SKIC3: variants seen among roughly 807,000 people sequenced by gnomAD.
SKIC3 encodes SKI3 subunit of superkiller complex.
At chr5:95,520,731 A>G in the SKIC3 span, 1 of 1,610,090 alleles carries the variant, frequency 6.2e-7, no homozygotes, top group African/African-American at 1.3e-5. Flanking sequence ...AAAATATTCC[A>G]GTGCTTTTTC....
chr5:95,484,284 TATC>T, the SKIC3 span, among the ~76,000 whole-genome samples: 2 of 151,954 alleles, frequency 1.3e-5, no homozygotes, highest in Non-Finnish European at 2.9e-5. Flanking sequence ...TTTTAGTTGT[TATC>T]ATCATAATTG....
chr5:95,518,082 G>A, the SKIC3 span, among the ~76,000 whole-genome samples: 1 of 152,010 alleles, frequency 6.6e-6, no homozygotes. Context: ...AAATTAACCA[G>A]TCCATGGTAT....
the SKIC3 span, among the ~76,000 whole-genome samples, chr5:95,510,578 T>C: frequency 6.6e-6 from 1 of 152,140 alleles, no homozygotes; most frequent in Non-Finnish European, 1.5e-5. Flanking sequence ...GCTCATCTGA[T>C]CTTGTGGCCC....
the SKIC3 span, among the ~76,000 whole-genome samples, chr5:95,537,582 T>C: frequency 6.6e-6 from 1 of 152,066 alleles, no homozygotes; most frequent in African/African-American, 2.4e-5. Context: ...GTGATACTTT[T>C]GGTAAAAGAA....
chr5:95,547,108 C>G, the SKIC3 span: 10 of 1,613,176 alleles, frequency 6.2e-6, no homozygotes, highest in East Asian at 2.2e-4. Flanking sequence ...CTGATTGCAT[C>G]TCTAGCACTT....
At chr5:95,465,671 GTTC>G in the SKIC3 span, among the ~76,000 whole-genome samples, 2 of 152,134 alleles carry the variant, frequency 1.3e-5, no homozygotes, top group Admixed American at 6.6e-5. Flanking sequence ...ATTTGCCTCT[GTTC>G]TTCTTGTCCT....
At chr5:95,464,825 C>A in the SKIC3 span, 2 of 636,900 alleles carry the variant, frequency 3.1e-6, no homozygotes, top group Admixed American at 2.4e-5. Context: ...TCTGTGCAAT[C>A]TTTCAGTCAC....
the SKIC3 span, chr5:95,497,553 C>A: frequency 8.3e-7 from 1 of 1,206,988 alleles, no homozygotes; most frequent in Non-Finnish European, 1.2e-6. Context: ...TACAAGCAAC[C>A]AACAATTTAT....
chr5:95,536,710 G>T, the SKIC3 span: 1 of 914,996 alleles, frequency 1.1e-6, no homozygotes, highest in African/African-American at 1.6e-5. Flanking sequence ...CAGAAACACA[G>T]AAACAACACC....
the SKIC3 span, chr5:95,540,578 T>A: frequency 2.2e-6 from 3 of 1,384,530 alleles, no homozygotes; most frequent in Non-Finnish European, 3.0e-6. Context: ...ATGTTCAACA[T>A]TACTATGGAA....
At chr5:95,507,761 T>C in the SKIC3 span, among the ~76,000 whole-genome samples, 35,084 of 152,088 alleles carry the variant, frequency 0.23, 5,129 homozygotes, top group African/African-American at 0.41. Flanking sequence ...TTTAGATTTA[T>C]GCCTAATTTG....
chr5:95,518,774 G>T, the SKIC3 span, among the ~76,000 whole-genome samples: 1 of 151,858 alleles, frequency 6.6e-6, no homozygotes, highest in Non-Finnish European at 1.5e-5. Context: ...TAAACATGAG[G>T]GTACAGATGT....
At chr5:95,496,163 G>A in the SKIC3 span, among the ~76,000 whole-genome samples, 4 of 151,914 alleles carry the variant, frequency 2.6e-5, no homozygotes, top group East Asian at 3.9e-4. Context: ...GACTACAGGC[G>A]TGCGCCACCA....
chr5:95,538,968 T>C, the SKIC3 span, among the ~76,000 whole-genome samples: 10 of 152,314 alleles, frequency 6.6e-5, no homozygotes, highest in African/African-American at 2.4e-4. Flanking sequence ...AGTGATTAAG[T>C]TACTGATGTA....
the SKIC3 span, among the ~76,000 whole-genome samples, chr5:95,526,102 AAAC>A: frequency 6.6e-6 from 1 of 152,180 alleles, no homozygotes; most frequent in African/African-American, 2.4e-5. Flanking sequence ...TATCATACCT[AAAC>A]AAAAACAACA....
the SKIC3 span, among the ~76,000 whole-genome samples, chr5:95,520,519 C>A: frequency 6.8e-6 from 1 of 146,806 alleles, no homozygotes; most frequent in African/African-American, 2.5e-5. Flanking sequence ...CTACTAAGAG[C>A]AGAAGAAATT....
chr5:95,514,987 T>C, the SKIC3 span: 1 of 1,495,630 alleles, frequency 6.7e-7, no homozygotes, highest in Admixed American at 1.8e-5. Flanking sequence ...ACCGCTTATG[T>C]TTAAAAAGCA....
chr5:95,464,081 T>G, the SKIC3 span: 1 of 156,360 alleles, frequency 6.4e-6, no homozygotes, highest in Non-Finnish European at 1.4e-5. Context: ...TATATTATGC[T>G]TTTTCAACAG....
At chr5:95,532,136 G>A in the SKIC3 span, among the ~76,000 whole-genome samples, 1 of 152,034 alleles carries the variant, frequency 6.6e-6, no homozygotes, top group Non-Finnish European at 1.5e-5. Flanking sequence ...CTGTATTACA[G>A]GAAATATACC....
Sources: allele counts gnomAD v4.1 joint callset (sites outside exome capture counted in the v4.1 genomes callset), GRCh38; gene constraint gnomAD v4.1.1; transcripts MANE v1.5; gene names NCBI Gene and HGNC (gene_info 2026-07-23, HGNC 2026-07-21).